DHX15: variants seen among roughly 807,000 people sequenced by gnomAD.
DHX15 encodes the protein DEAH-box helicase 15.
DHX15 carries 11 observed loss-of-function variants against 94.4 expected under a neutral mutation model. The ratio of observed to expected loss-of-function variants is 0.12; its 90% confidence interval spans 0.07 to 0.19. DHX15 has a LOEUF of 0.19. DHX15 is among the 10% of genes least tolerant of loss of function. DHX15 has a pLI of 1.00. For synonymous variants in DHX15, 338 were observed against 329.9 expected (o/e 1.02, Z -0.27); for missense variants, 304 against 988.5 (o/e 0.31, Z 9.29).
At chr4:24,564,238 G>GT (rs1383574777) in intron 3 of DHX15, among the ~76,000 whole-genome samples, 2 of 152,102 alleles carry the variant, frequency 1.3e-5, no homozygotes, top group Admixed American at 6.5e-5. Context: ...TTCTTTCAAC[G>GT]TATGTGTAGT....
At chr4:24,534,827 C>T (rs115830733) in intron 11 of DHX15, among the ~76,000 whole-genome samples, 3,141 of 152,088 alleles carry the variant, frequency 0.021, 64 homozygotes, top group Admixed American at 0.028. Context: ...TTCAAATATA[C>T]TCAATGTTTC....
chr4:24,553,946 C>T (rs1260954222), intron 5 of DHX15, among the ~76,000 whole-genome samples: 1 of 151,686 alleles, frequency 6.6e-6, no homozygotes, highest in Non-Finnish European at 1.5e-5. Context: ...TGGCCGGGTG[C>T]GATGGCTCAC....
At chr4:24,579,860 G>C (rs1055772574) in intron 1 of DHX15, among the ~76,000 whole-genome samples, 2 of 152,168 alleles carry the variant, frequency 1.3e-5, no homozygotes, top group African/African-American at 4.8e-5. Context: ...CTGCCTCCCT[G>C]TTTCAAGCGA....
intron 1 of DHX15, 127 bp downstream of exon 1, chr4:24,584,196 A>T (rs1451203704): frequency 3.0e-6 from 3 of 1,016,352 alleles, no homozygotes; most frequent in Non-Finnish European, 4.3e-6. Flanking sequence ...GCCGCTAGTG[A>T]ACCCAGCCCA....
chr4:24,559,991 G>A (rs1294963752), intron 3 of DHX15, among the ~76,000 whole-genome samples: 1 of 152,140 alleles, frequency 6.6e-6, no homozygotes, highest in Non-Finnish European at 1.5e-5. Flanking sequence ...CTTTTCAACT[G>A]TGACTGCTTA....
At chr4:24,566,744 T>C (rs1467107706) in intron 3 of DHX15, among the ~76,000 whole-genome samples, 1 of 152,162 alleles carries the variant, frequency 6.6e-6, no homozygotes, top group Admixed American at 6.5e-5. Flanking sequence ...GAGAATCGCT[T>C]GAACCCGGCG....
At position 24,556,356 on chromosome 4, in the gene DHX15, C is replaced by T; in HGVS notation, c.756G>A (p.Glu252=). The T allele has an allele frequency of 6.2e-7, 1 of 1,613,736 alleles. No individual in the cohort carries two copies. The highest frequency in any genetic ancestry group is 8.5e-7 in the Non-Finnish European group (1 of 1,179,704). Residue 252 remains glutamate, a synonymous_variant, in exon 4 of 14, where the codon GAG becomes GAA. Coordinates refer to ENST00000336812, the MANE Select transcript of DHX15 (RefSeq NM_001358.3). ...CATCAAGAATTATTACACCATAACG[C>T]TCCAGGAGGGGATCATTCATAGCTT... ...LREAMNDPLL[E]RYGVIILDEA...
At position 24,584,534 on chromosome 4, in the gene DHX15, T is replaced by G; in HGVS notation, c.-141A>C. Reference sequence around the variant, plus strand: ...ACACGGTGCGGCCGGAACCAACAGCTAAAATGGCGGCGGCGACGAGGGCTG... The same window carrying G: ...ACACGGTGCGGCCGGAACCAACAGCGAAAATGGCGGCGGCGACGAGGGCTG... On this transcript the variant is annotated 5_prime_UTR_variant, in exon 1 of 14. Coordinates refer to ENST00000336812, the MANE Select transcript of DHX15 (RefSeq NM_001358.3). 1.3e-6 allele frequency: 1 copy of G among 797,396 alleles called. No individual in the cohort carries two copies. The highest frequency in any genetic ancestry group is 1.9e-6 in the Non-Finnish European group (1 of 538,116). 49.4% of individuals were successfully genotyped at this position (797,396 alleles called of 1,614,324 possible).
chr4:24,545,423 G>A (rs1037343647), intron 6 of DHX15, among the ~76,000 whole-genome samples: 3 of 151,980 alleles, frequency 2.0e-5, no homozygotes, highest in Admixed American at 6.6e-5. Flanking sequence ...AACAATTCGC[G>A]GATACATGAT....
chr4:24,542,166 C>G (rs1310436108), intron 7 of DHX15, 144 bp from the exon 8 acceptor site: 1 of 634,520 alleles, frequency 1.6e-6, no homozygotes, highest in Non-Finnish European at 2.5e-6. Context: ...CAATAGACAA[C>G]CCACCATCCT....
At chr4:24,575,500 CA>C in intron 2 of DHX15, among the ~76,000 whole-genome samples, 1 of 152,218 alleles carries the variant, frequency 6.6e-6, no homozygotes, top group East Asian at 1.9e-4. Flanking sequence ...TGCAATTTTT[CA>C]CCTATTGGAT....
At chr4:24,540,623 A>AC (rs1264147875) in intron 9 of DHX15, among the ~76,000 whole-genome samples, 8 of 144,528 alleles carry the variant, frequency 5.5e-5, no homozygotes, top group South Asian at 2.3e-4. Flanking sequence ...ATTTACCCAA[A>AC]CCCCCCCATA....
chr4:24,542,210 A>T lies in DHX15; in HGVS notation c.1336-188T>A, dbSNP rs561113203. Among the ~76,000 whole-genome samples, 33 of 152,272 alleles carry T rather than the reference A, an allele frequency of 2.2e-4. 1 individual carries two copies. The highest frequency in any genetic ancestry group is 1.2e-3 in the Admixed American group (18 of 15,302). The stretch of plus-strand genomic sequence containing the variant: ...AAGTTCTTTCAGACATTCTAATTCG[A>T]TCATCTGAAAGACTCTAACATGAAA... On this transcript the variant is annotated intron_variant, in intron 7 of 13. Transcript: ENST00000336812.
Position 24,535,078 on chromosome 4 carries a change from AC to A in DHX15, c.1909+1972del, listed in dbSNP as rs1362777377. On this transcript the variant is annotated intron_variant, in intron 11 of 13. Coordinates refer to ENST00000336812, the MANE Select transcript of DHX15 (RefSeq NM_001358.3). ...AATGTCAAGTCATCACATACTGCAA[AC>A]CCCTAAAAACCACCAATGGCTAATC... Among the ~76,000 whole-genome samples, 26 of 152,062 alleles carry A rather than the reference AC, an allele frequency of 1.7e-4. 1 individual carries two copies. Among genetic ancestry groups the A allele is most frequent in the Admixed American group, 1.4e-3 (22 of 15,276 alleles).
At chr4:24,540,743 A>C (rs1721292367) in intron 9 of DHX15, 97 bp downstream of exon 9, 2 of 650,862 alleles carry the variant, frequency 3.1e-6, no homozygotes, top group Middle Eastern at 4.3e-4. Flanking sequence ...GAAAAAGCAA[A>C]ATGTATTTAA....
intron 3 of DHX15, among the ~76,000 whole-genome samples, chr4:24,567,550 C>G (rs1037354152): frequency 1.1e-4 from 17 of 150,494 alleles, no homozygotes; most frequent in African/African-American, 4.2e-4. Flanking sequence ...GCACTCCAGC[C>G]TGGGCGACAG....
chr4:24,553,566 G>C (rs1241579097), intron 5 of DHX15, among the ~76,000 whole-genome samples: 2 of 151,818 alleles, frequency 1.3e-5, no homozygotes, highest in African/African-American at 4.8e-5. Context: ...CTGAGGTCAG[G>C]AGTTCGAGAC....
chr4:24,574,872 G>A (rs760591276), intron 2 of DHX15, among the ~76,000 whole-genome samples: 1 of 152,088 alleles, frequency 6.6e-6, no homozygotes, highest in African/African-American at 2.4e-5. Context: ...ATTTCCGTAA[G>A]GTGATTTTTG....
At chr4:24,532,606 TAATAA>T (rs987917792) in intron 12 of DHX15, among the ~76,000 whole-genome samples, 3 of 152,230 alleles carry the variant, frequency 2.0e-5, no homozygotes, top group South Asian at 2.1e-4. Flanking sequence ...AAGGCTCTAT[TAATAA>T]AATAATTCTA....
Sources: allele counts gnomAD v4.1 joint callset (sites outside exome capture counted in the v4.1 genomes callset), GRCh38; gene constraint gnomAD v4.1.1; transcripts MANE v1.5; gene names NCBI Gene and HGNC (gene_info 2026-07-23, HGNC 2026-07-21).